PUM3: variants seen among roughly 807,000 people sequenced by gnomAD.
PUM3 encodes the protein pumilio RNA binding family member 3, also known as pumilio homolog 3.
PUM3 carries 91 observed loss-of-function variants against 84.0 expected under a neutral mutation model. The ratio of observed to expected loss-of-function variants is 1.08; its 90% CI spans 0.91 to 1.29. The LOEUF (loss-of-function observed/expected upper bound fraction) is 1.29, where lower values mean the gene tolerates loss of function less well. Among genes scored for constraint, PUM3 ranks in the 50% most tolerant of loss-of-function variants. The probability of loss-of-function intolerance (pLI) is 0.00; values close to 1 mark genes in which losing one functional copy is unlikely to be tolerated. For missense variants in PUM3, 1,067 were observed against 767.5 expected (o/e 1.39, Z -4.61); for synonymous variants, 321 against 266.7 (o/e 1.20, Z -1.98).
Position 2,820,024 on chromosome 9 carries a change from G to A in PUM3, c.1263C>T (p.Ile421=), listed in dbSNP as rs1821555034. The part of the protein sequence containing the change: ...IDDTKLVKQI[I]ISEIISSLPS... The stretch of plus-strand genomic sequence containing the variant: ...GACCATCAGGATTACTTACTGATAT[G>A]ATTATCTGCTTCACAAGCTTAGTAT... The change falls in exon 13 of 18, where the codon ATC becomes ATT. Residue 421 remains isoleucine (I), a synonymous_variant. Coordinates refer to ENST00000397885, the MANE Select transcript of PUM3 (RefSeq NM_014878.5). 1 of 1,603,190 alleles carries A rather than the reference G, an allele frequency of 6.2e-7. No homozygotes were observed. The highest frequency in any genetic ancestry group is 8.5e-7 in the Non-Finnish European group (1 of 1,170,762).
chr9:2,825,451 C>G lies in PUM3; in HGVS notation c.1036-636G>C, dbSNP rs1035952076. Reference sequence around the variant, plus strand: ...AGCTTAGCTTAATTTAACCTTTAGCCTTCATTTTCCATGTATATAATTTCT... The same window carrying G: ...AGCTTAGCTTAATTTAACCTTTAGCGTTCATTTTCCATGTATATAATTTCT... On this transcript the variant is annotated intron_variant, in intron 10 of 17. Coordinates refer to ENST00000397885, the MANE Select transcript of PUM3 (RefSeq NM_014878.5). Among the ~76,000 whole-genome samples the G allele has an allele frequency of 5.3e-5, 8 of 152,010 alleles. No individual in the cohort carries two copies. The East Asian group carries it at 1.2e-3, about 22-fold the overall frequency.
Position 2,810,527 on chromosome 9 carries a change from T to C in PUM3, c.1636-96A>G. Reference sequence around the variant, plus strand: ...TACTATTTATGCCACCACATACAGATAAGGACTCAGCCACTTTTAAAGTTC... The same window carrying C: ...TACTATTTATGCCACCACATACAGACAAGGACTCAGCCACTTTTAAAGTTC... On this transcript the variant is annotated intron_variant, in intron 15 of 17. Transcript: ENST00000397885. 4 of 812,878 alleles carry C rather than the reference T, an allele frequency of 4.9e-6. 1 individual carries two copies. In the South Asian group the frequency reaches 7.2e-5, roughly 15 times the overall value. 50.4% of individuals were successfully genotyped at this position (812,878 alleles called of 1,614,324 possible).
chr9:2,812,811 T>C (rs1468886422), intron 13 of PUM3, among the ~76,000 whole-genome samples: 1 of 152,202 alleles, frequency 6.6e-6, no homozygotes, highest in Admixed American at 6.5e-5. Context: ...TTATCTTCAT[T>C]CATTATGGCC....
Position 2,838,423 on chromosome 9 carries a change from T to C in PUM3, c.82+3A>G, listed in dbSNP as rs1449913397. On this transcript the variant is annotated splice_donor_region_variant and intron_variant, in intron 2 of 17. Coordinates refer to ENST00000397885, the MANE Select transcript of PUM3 (RefSeq NM_014878.5). The stretch of plus-strand genomic sequence containing the variant: ...AAACACCCACATGGGAAGCATATCT[T>C]ACCACTATTTTTATGAAATCTGTTT... 2.5e-6 allele frequency: 4 copies of C among 1,600,184 alleles called. No homozygotes were observed. Among genetic ancestry groups the C allele is most frequent in the Non-Finnish European group, 2.6e-6 (3 of 1,167,584 alleles).
rs1406988254 is a variant in PUM3 at position 2,834,117 on chromosome 9, T to C, written c.354A>G (p.Lys118=). 6.2e-7 allele frequency: 1 copy of C among 1,613,744 alleles called. No homozygotes were observed. The highest frequency in any genetic ancestry group is 8.5e-7 in the Non-Finnish European group (1 of 1,179,772). ...PKWDDFKKKK[K]ELKQSRQLSD... is the part of the protein sequence containing the mutation. ...TGAGTTGTCTGCTTTGCTTCAGTTC[T>C]TTCTTCTTCTTTTTGAAGTCATCCC... Residue 118 remains lysine, a synonymous_variant, in exon 4 of 18, where the codon AAA becomes AAG. Coordinates refer to ENST00000397885, the MANE Select transcript of PUM3 (RefSeq NM_014878.5).
intron 9 of PUM3, among the ~76,000 whole-genome samples, chr9:2,828,047 T>G (rs752009322): frequency 2.6e-5 from 4 of 152,132 alleles, no homozygotes; most frequent in African/African-American, 7.2e-5. Context: ...TTAATTTTTT[T>G]TTATTTTTTT....
chr9:2,814,933 A>G (rs1274207490), intron 13 of PUM3, among the ~76,000 whole-genome samples: 1 of 152,172 alleles, frequency 6.6e-6, no homozygotes. Context: ...GTATTCCTCA[A>G]TACACTGAGC....
rs375646834 is a variant in PUM3, at chr9:2,836,746, C to G, written c.304+434G>C. Among the ~76,000 whole-genome samples, 18 of 152,150 alleles carry G rather than the reference C, an allele frequency of 1.2e-4. 1 individual carries two copies. Among genetic ancestry groups the G allele is most frequent in the African/African-American group, 4.3e-4 (18 of 41,532 alleles). On this transcript the variant is annotated intron_variant, in intron 3 of 17. Transcript: ENST00000397885. ...ACACTTAGCTGGGGACAGACTGATT[C>G]TTTAAAGCCAGATTCTATGATTAGT...
chr9:2,812,936 A>G (rs1407865853), intron 13 of PUM3, among the ~76,000 whole-genome samples: 1 of 152,236 alleles, frequency 6.6e-6, no homozygotes, highest in Non-Finnish European at 1.5e-5. Flanking sequence ...GAACACTTCT[A>G]TTAGAATTTC....
intron 12 of PUM3, among the ~76,000 whole-genome samples, chr9:2,823,119 T>A (rs1177898501): frequency 6.6e-6 from 1 of 152,018 alleles, no homozygotes; most frequent in East Asian, 1.9e-4. Flanking sequence ...TAAAATTGTA[T>A]TCACTACATA....
chr9:2,829,925 A>G lies in PUM3; in HGVS notation c.701T>C (p.Ile234Thr), dbSNP rs1013093618. The G allele has an allele frequency of 3.1e-6, 5 of 1,613,022 alleles. No homozygotes were observed. Among genetic ancestry groups the G allele is most frequent in the Middle Eastern group, 1.6e-4 (1 of 6,062 alleles). Residue 234 changes from isoleucine to threonine, a missense_variant, in exon 8 of 18, where the codon ATA becomes ACA. Physicochemically the swap from Ile to Thr is moderately conservative, Grantham distance 89. Coordinates refer to ENST00000397885, the MANE Select transcript of PUM3 (RefSeq NM_014878.5). Reference protein sequence around the residue: ...MYGSKPQIAEIIRSFKGHVRK... With the variant: ...MYGSKPQIAETIRSFKGHVRK... ...CACGTGGCCTTTAAAACTTCTGATT[A>G]TCTCTGCAATCTGTGGTTTACTTCT... is the stretch of plus-strand genomic sequence containing the variant.
chr9:2,804,160 A>G lies in PUM3; in HGVS notation c.*171T>C. The G allele has an allele frequency of 1.7e-6, 1 of 579,702 alleles. No individual in the cohort carries two copies. Among genetic ancestry groups the G allele is most frequent in the Non-Finnish European group, 2.8e-6 (1 of 357,504 alleles). The allele number at this position is 579,702 out of a possible 1,614,324, so 35.9% of individuals were successfully genotyped here. A position where few individuals can be genotyped will look rare whatever the true frequency, so the allele number is the denominator to read the frequency against. ...AGAGGAGACAGCTGAGATTTTTAAA[A>G]AAGACCATTTAAAAAAACAATTTAT... On this transcript the variant is annotated 3_prime_UTR_variant, in exon 18 of 18. Coordinates refer to ENST00000397885, the MANE Select transcript of PUM3 (RefSeq NM_014878.5).
In PUM3 at chr9:2,812,291, G is replaced by A. The variant is rs1188297155; in HGVS notation, c.1341C>T (p.Ser447=). 3.1e-6 allele frequency: 5 copies of A among 1,608,522 alleles called. No homozygotes were observed. Among genetic ancestry groups the A allele is most frequent in the Non-Finnish European group, 2.6e-6 (3 of 1,175,218 alleles). The change falls in exon 14 of 18, where the codon AGC becomes AGT. Residue 447 remains serine, a synonymous_variant. Transcript: ENST00000397885. ...GTACTGTATGTGCAGGATCTCTGGG[G>A]CTTAGTAAGTACAATAGGACCTTCC... ...YGRKVLLYLL[S]PRDPAHTVRE...
At chr9:2,817,068 C>T (rs974824292) in intron 13 of PUM3, among the ~76,000 whole-genome samples, 6 of 152,192 alleles carry the variant, frequency 3.9e-5, no homozygotes, top group African/African-American at 1.2e-4. Context: ...GGCAGCCCAG[C>T]AATTCTGCTA....
In PUM3 at chr9:2,811,444, C is replaced by T. The variant is rs770243894; in HGVS notation, c.1552G>A (p.Ala518Thr). The T allele has an allele frequency of 9.3e-6, 15 of 1,614,078 alleles. 1 individual carries two copies. The South Asian group carries it at 1.4e-4, about 15-fold the overall frequency. ...ATGGTAGGCTGAACGTCTCCAGTGG[C>T]AGATCCCAGAATGTCAGACACCAAC... is the stretch of plus-strand genomic sequence containing the variant. ...CVLVSDILGS[A>T]TGDVQPTMNA... The change falls in exon 15 of 18, where the codon GCC becomes ACC. Residue 518 changes from alanine (A) to threonine (T), a missense_variant. By Grantham distance (58) the Ala-to-Thr change is moderately conservative. Coordinates refer to ENST00000397885, the MANE Select transcript of PUM3 (RefSeq NM_014878.5).
At chr9:2,833,742 CTGA>C (rs1816047168) in intron 4 of PUM3, among the ~76,000 whole-genome samples, 1 of 152,154 alleles carries the variant, frequency 6.6e-6, no homozygotes, top group Non-Finnish European at 1.5e-5. Flanking sequence ...CAAAATCTAG[CTGA>C]TAAGAAATTG....
intron 12 of PUM3, among the ~76,000 whole-genome samples, chr9:2,820,881 T>C (rs944103416): frequency 1.3e-5 from 2 of 152,178 alleles, no homozygotes; most frequent in African/African-American, 4.8e-5. Context: ...GAACACCTAC[T>C]TTATGTTAAG....
At position 2,828,664 on chromosome 9, in the gene PUM3, A is replaced by T. The variant is rs372399592; in HGVS notation, c.956+11T>A. The T allele has an allele frequency of 6.7e-7, 1 of 1,481,956 alleles. No homozygotes were observed. Among genetic ancestry groups the T allele is most frequent in the African/African-American group, 1.4e-5 (1 of 71,792 alleles). The allele number at this position is 1,481,956 out of a possible 1,614,324, so 91.8% of individuals were successfully genotyped here. A position where few individuals can be genotyped will look rare whatever the true frequency, so the allele number is the denominator to read the frequency against. ...CATTTCTTAAGAACAAAACAAAAAC[A>T]ACTTTCTTACTTTTGGGCCATTGGA... On this transcript the variant is annotated intron_variant, in intron 9 of 17. Coordinates refer to ENST00000397885, the MANE Select transcript of PUM3 (RefSeq NM_014878.5).
At chr9:2,812,195 G>C (rs1821388267) in intron 14 of PUM3, 25 bp downstream of exon 14, 1 of 1,605,462 alleles carries the variant, frequency 6.2e-7, no homozygotes, top group African/African-American at 1.3e-5. Context: ...GAATAAAGAA[G>C]TCAAGCCATT....
Sources: gnomAD v4.1 joint callset for allele counts (sites outside exome capture counted in the v4.1 genomes callset) on GRCh38, gnomAD v4.1.1 for gene constraint, MANE v1.5 for transcripts, NCBI Gene and HGNC (gene_info 2026-07-23, HGNC 2026-07-21) for gene names.